FLG: variants seen among roughly 807,000 people sequenced by gnomAD.
The protein encoded by FLG is epidermal filaggrin.
A neutral mutation model predicts 3.8 loss-of-function variants in FLG; 6 were observed. The observed-to-expected ratio is 1.60, with a 90% CI of 0.87 to 3.15. The LOEUF is 3.15. Ranked by LOEUF, FLG falls within the 30% of genes most tolerant of loss-of-function variation. The pLI, the probability that FLG is intolerant of heterozygous loss-of-function variation, is 0.00. For synonymous variants in FLG, 2,551 were observed against 1,931.6 expected (o/e 1.32, Z -8.41); for missense variants, 7,595 against 5,050.9 (o/e 1.50, Z -15.27).
Position 152,307,784 on chromosome 1 carries a change from C to A in FLG, c.7102G>T (p.Ala2368Ser), listed in dbSNP as rs377017648. The stretch of plus-strand genomic sequence containing the variant: ...TCTGAATGTCCCTCACTGTCACTGG[C>A]CTGACTACCACTGGACCCTCGGTGT... ...SGHRGSSGSQ[A>S]SDSEGHSEDS... is the part of the protein sequence containing the mutation. The change falls in exon 3 of 3, where the codon GCC becomes TCC. Residue 2368 changes from alanine to serine, a missense_variant. Coordinates refer to ENST00000368799, the MANE Select transcript of FLG (RefSeq NM_002016.2). 6.2e-7 allele frequency: 1 copy of A among 1,613,414 alleles called. No individual in the cohort carries two copies. Among genetic ancestry groups the A allele is most frequent in the African/African-American group, 1.3e-5 (1 of 74,688 alleles).
chr1:152,304,320 G>C lies in FLG; in HGVS notation c.10566C>G (p.Gly3522=). 6.2e-7 allele frequency: 1 copy of C among 1,610,902 alleles called. No individual in the cohort carries two copies. The highest frequency in any genetic ancestry group is 8.5e-7 in the Non-Finnish European group (1 of 1,178,660). Residue 3522 remains glycine (G), a synonymous_variant, in exon 3 of 3, where the codon GGC becomes GGG. Coordinates refer to ENST00000368799, the MANE Select transcript of FLG (RefSeq NM_002016.2). ...TCCTGGGCCCCGCTGATTGTCCCTGGCCGGACTGTGAGTGTCTAGAGCTGT... is the reference window on the plus strand; with the variant it reads ...TCCTGGGCCCCGCTGATTGTCCCTGCCCGGACTGTGAGTGTCTAGAGCTGT... ...QADSSRHSQS[G]QGQSAGPRTS...
At position 152,313,955 on chromosome 1, in the gene FLG, C is replaced by G. The variant is rs753784552; in HGVS notation, c.931G>C (p.Glu311Gln). The G allele has an allele frequency of 6.2e-7, 1 of 1,614,174 alleles. No individual in the cohort carries two copies. The highest frequency in any genetic ancestry group is 8.5e-7 in the Non-Finnish European group (1 of 1,180,044). ...RDSEGHSEDSERHSGSASRNH... is the reference protein window; with the variant it reads ...RDSEGHSEDSQRHSGSASRNH... ...CTGGAAGCCGACCCAGAGTGCCTCT[C>G]AGAGTCTTCTGAGTGTCCCTCACTG... Residue 311 changes from glutamate to glutamine, a missense_variant, in exon 3 of 3, where the codon GAG becomes CAG. Transcript: ENST00000368799.
intron 1 of FLG, among the ~76,000 whole-genome samples, chr1:152,324,678 C>G (rs779355102): frequency 6.6e-6 from 1 of 151,616 alleles, no homozygotes; most frequent in Admixed American, 6.6e-5. Context: ...TTAAGCTTAT[C>G]AGCTATTATT....
rs1358483553 is a variant in FLG, at chr1:152,308,774, C to G, written c.6112G>C (p.Gly2038Arg). ...SSAVRDSGHR[G>R]YSGSQASDSE... ...TCACTGGCCTGACTACCACTGTACCCTCGGTGTCCACTGTCTCTGACTGCA... is the reference window on the plus strand; with the variant it reads ...TCACTGGCCTGACTACCACTGTACCGTCGGTGTCCACTGTCTCTGACTGCA... The change falls in exon 3 of 3, where the codon GGG becomes CGG. Residue 2038 changes from glycine to arginine, a missense_variant. By Grantham distance (125) the Gly-to-Arg change is moderately radical (BLOSUM62 -2). Transcript: ENST00000368799. 3 of 1,614,168 alleles carry G rather than the reference C, an allele frequency of 1.9e-6. No individual in the cohort carries two copies. The highest frequency in any genetic ancestry group is 1.1e-5 in the South Asian group (1 of 91,082).
At position 152,314,025 on chromosome 1, in the gene FLG, G is replaced by A. The variant is rs1020843420; in HGVS notation, c.861C>T (p.Ser287=). 3 of 1,614,004 alleles carry A rather than the reference G, an allele frequency of 1.9e-6. No homozygotes were observed. The highest frequency in any genetic ancestry group is 1.7e-5 in the Admixed American group (1 of 59,996). The change falls in exon 3 of 3, where the codon TCC becomes TCT. Residue 287 remains serine (S), a synonymous_variant. Transcript: ENST00000368799. ...ENTSQVPLQE[S]RTRKRRGSRV... ...TGGATCCCCTACGCTTTCTTGTCCT[G>A]GACTCCTGCAATGGTACCTGGCTTG... is the stretch of plus-strand genomic sequence containing the variant.
rs770098980 is a variant in FLG, at chr1:152,307,580, C to T, written c.7306G>A (p.Gly2436Arg). The T allele has an allele frequency of 7.4e-6, 12 of 1,613,746 alleles. No homozygotes were observed. Among genetic ancestry groups the T allele is most frequent in the Admixed American group, 1.7e-5 (1 of 59,970 alleles). The change falls in exon 3 of 3, where the codon GGA (glycine) becomes AGA (arginine). Residue 2436 changes from glycine (G) to arginine (R), a missense_variant. Coordinates refer to ENST00000368799, the MANE Select transcript of FLG (RefSeq NM_002016.2). ...TTGTGGTGGGATCCTTGTCTTCCTC[C>T]AGTGCTGGTCCCGGTCCGTCCATGG... ...SAHGRTGTST[G>R]GRQGSHHKQA...
chr1:152,309,368 C>A lies in FLG; in HGVS notation c.5518G>T (p.Gly1840Trp). Residue 1840 changes from glycine (G) to tryptophan (W), a missense_variant, in exon 3 of 3, where the codon GGG (glycine) becomes TGG (tryptophan). Physicochemically the swap from Gly to Trp is radical, Grantham distance 184. Transcript: ENST00000368799. The part of the protein sequence containing the change: ...EQSVDSSGHS[G>W]SHHSHTTSQE... ...GACGTGGTGTGGCTGTGATGAGACC[C>A]TGAGTGTCCAGAACTATCTACCGAT... 6.2e-7 allele frequency: 1 copy of A among 1,613,888 alleles called. No homozygotes were observed. Among genetic ancestry groups the A allele is most frequent in the East Asian group, 2.2e-5 (1 of 44,808 alleles).
Position 152,309,029 on chromosome 1 carries a change from CAT to C in FLG, c.5855_5856del (p.Asp1952GlyfsTer43). 1 of 1,614,184 alleles carries C rather than the reference CAT, an allele frequency of 6.2e-7. No homozygotes were observed. Among genetic ancestry groups the C allele is most frequent in the Non-Finnish European group, 8.5e-7 (1 of 1,180,018 alleles). Reference sequence around the variant, plus strand: ...TGATGGGACCCAGGGTGTCTGGAGCCATCTCTTGACTGCTCCCAAGCAGATCC... The same window carrying C: ...TGATGGGACCCAGGGTGTCTGGAGCCCTCTTGACTGCTCCCAAGCAGATCC... The part of the protein sequence containing the change: ...HLGSAWEQSR[D>X]GSRHPGSHHE... On this transcript the variant is annotated frameshift_variant, in exon 3 of 3. Transcript: ENST00000368799. LOFTEE classifies it low-confidence loss of function (END_TRUNC).
Position 152,309,493 on chromosome 1 carries a change from C to T in FLG, c.5393G>A (p.Arg1798Gln), listed in dbSNP as rs141235242. Reference sequence around the variant, plus strand: ...GGACGCTGAGTGCCTGGAGCTGTCTCGTGCCTGCTCGTGGCGGGATCTTTG... The same window carrying T: ...GGACGCTGAGTGCCTGGAGCTGTCTTGTGCCTGCTCGTGGCGGGATCTTTG... ...GRQRSRHEQA[R>Q]DSSRHSASQE... The change falls in exon 3 of 3, where the codon CGA becomes CAA. Residue 1798 changes from arginine to glutamine, a missense_variant. Coordinates refer to ENST00000368799, the MANE Select transcript of FLG (RefSeq NM_002016.2). The T allele has an allele frequency of 1.3e-4, 213 of 1,613,746 alleles. No individual in the cohort carries two copies. The highest frequency in any genetic ancestry group is 1.8e-4 in the East Asian group (8 of 44,824).
In FLG at chr1:152,310,855, G is replaced by A. The variant is rs915898940; in HGVS notation, c.4031C>T (p.Ser1344Leu). The change falls in exon 3 of 3, where the codon TCA becomes TTA. Residue 1344 changes from serine to leucine, a missense_variant. By Grantham distance (145) the Ser-to-Leu change is moderately radical. Coordinates refer to ENST00000368799, the MANE Select transcript of FLG (RefSeq NM_002016.2). Reference sequence around the variant, plus strand: ...ACTTGATCTTGCCTGTTCATGGGATGACACAGCCTGTCCATGAGAGGAAGA... The same window carrying A: ...ACTTGATCTTGCCTGTTCATGGGATAACACAGCCTGTCCATGAGAGGAAGA... ...TESSSHGQAV[S>L]SHEQARSSPG... 8.1e-6 allele frequency: 13 copies of A among 1,613,794 alleles called. No individual in the cohort carries two copies. The Admixed American group carries it at 1.3e-4, about 17-fold the overall frequency.
chr1:152,302,578 G>T lies in FLG; in HGVS notation c.*122C>A. On this transcript the variant is annotated 3_prime_UTR_variant, in exon 3 of 3. Transcript: ENST00000368799. ...ACCACCAAACTAATGAAATACTATA[G>T]CATATTTTAAACAGATTGACAGGAA... 8.0e-7 allele frequency: 1 copy of T among 1,250,556 alleles called. No individual in the cohort carries two copies. Among genetic ancestry groups the T allele is most frequent in the Non-Finnish European group, 1.1e-6 (1 of 908,056 alleles). 77.5% of individuals were successfully genotyped at this position (1,250,556 alleles called of 1,614,324 possible).
At position 152,311,421 on chromosome 1, in the gene FLG, G is replaced by T. The variant is rs1238072637; in HGVS notation, c.3465C>A (p.His1155Gln). 2.5e-6 allele frequency: 4 copies of T among 1,613,916 alleles called. No individual in the cohort carries two copies. The highest frequency in any genetic ancestry group is 3.3e-5 in the Admixed American group (2 of 60,006). The change falls in exon 3 of 3, where the codon CAC becomes CAA. Residue 1155 changes from histidine (H) to glutamine (Q), a missense_variant. Coordinates refer to ENST00000368799, the MANE Select transcript of FLG (RefSeq NM_002016.2). ...HHEQARDSSRHSASQEGQDTI... is the reference protein window; with the variant it reads ...HHEQARDSSRQSASQEGQDTI... The stretch of plus-strand genomic sequence containing the variant: ...TGTCCTGACCCTCTTGGGACGCTGA[G>T]TGCCTGGAGCTGTCTCGTGCCTGCT...
At position 152,309,132 on chromosome 1, in the gene FLG, A is replaced by G. The variant is rs1218425844; in HGVS notation, c.5754T>C (p.Val1918=). 3.1e-6 allele frequency: 5 copies of G among 1,613,546 alleles called. No homozygotes were observed. In the East Asian group the frequency reaches 6.7e-5, roughly 22 times the overall value. Residue 1918 remains valine (V), a synonymous_variant, in exon 3 of 3, where the codon GTT becomes GTC. Coordinates refer to ENST00000368799, the MANE Select transcript of FLG (RefSeq NM_002016.2). ...GTCCCTGACTGTCACTGTCCTGGCTAACACTGGATCCCTGGTTCCTGCTTG... is the reference window on the plus strand; with the variant it reads ...GTCCCTGACTGTCACTGTCCTGGCTGACACTGGATCCCTGGTTCCTGCTTG... The part of the protein sequence containing the change: ...PRTSRNQGSS[V]SQDSDSQGHS...
chr1:152,317,492 C>A (rs1456064256), intron 1 of FLG, among the ~76,000 whole-genome samples: 2 of 152,068 alleles, frequency 1.3e-5, no homozygotes, highest in African/African-American at 2.4e-5. Flanking sequence ...ATATCAGCAG[C>A]ATTTGATGCA....
At position 152,313,415 on chromosome 1, in the gene FLG, C is replaced by G. The variant is rs761241776; in HGVS notation, c.1471G>C (p.Gly491Arg). Residue 491 changes from glycine (G) to arginine (R), a missense_variant, in exon 3 of 3, where the codon GGA (glycine) becomes CGA (arginine). By Grantham distance (125) the Gly-to-Arg change is moderately radical. Coordinates refer to ENST00000368799, the MANE Select transcript of FLG (RefSeq NM_002016.2). Reference sequence around the variant, plus strand: ...TGCTCGTGGTGCGATCCTTGTCTTCCTCCAGTGCTGGTCCCGGTCCGTCCA... The same window carrying G: ...TGCTCGTGGTGCGATCCTTGTCTTCGTCCAGTGCTGGTCCCGGTCCGTCCA... Reference protein sequence around the residue: ...AHGRTGTSTGGRQGSHHEQAR... With the variant: ...AHGRTGTSTGRRQGSHHEQAR... 22 of 1,613,724 alleles carry G rather than the reference C, an allele frequency of 1.4e-5. No individual in the cohort carries two copies. The highest frequency in any genetic ancestry group is 7.7e-5 in the South Asian group (7 of 91,060).
In FLG at chr1:152,308,222, G is replaced by T. The variant is rs1455745558; in HGVS notation, c.6664C>A (p.His2222Asn). ...GATTGTCCCTGGCCCACCAGTGAGT[G>T]TCTAGAGCTGTCGGCCCAAGAGGAA... ...EASSWADSSR[H>N]SLVGQGQSSG... The change falls in exon 3 of 3, where the codon CAC becomes AAC. Residue 2222 changes from histidine (H) to asparagine (N), a missense_variant. Transcript: ENST00000368799. 1.2e-6 allele frequency: 2 copies of T among 1,613,932 alleles called. No homozygotes were observed. Among genetic ancestry groups the T allele is most frequent in the Non-Finnish European group, 1.7e-6 (2 of 1,179,974 alleles).
At chr1:152,315,502 C>A in intron 1 of FLG, 25 bp from the exon 2 acceptor site, 5 of 1,536,686 alleles carry the variant, frequency 3.3e-6, no homozygotes, top group Non-Finnish European at 4.5e-6. Flanking sequence ...TGAAAATGCA[C>A]TTTTTTATAC....
In FLG at chr1:152,313,616, CA is replaced by C. The variant is rs750199950; in HGVS notation, c.1269del (p.Ser423ArgfsTer23). ...GAGTTTTCTGAATGTCCCTCACTGT[CA>C]CTGGCCTGACTACCGCTAGACCCCC... is the stretch of plus-strand genomic sequence containing the variant. ...GHRGSSGSQASDSEGHSENSD... is the reference protein window; with the variant it reads ...GHRGSSGSQAXDSEGHSENSD... On this transcript the variant is annotated frameshift_variant, in exon 3 of 3. Transcript: ENST00000368799. LOFTEE classifies it low-confidence loss of function (END_TRUNC). 2 of 1,614,124 alleles carry C rather than the reference CA, an allele frequency of 1.2e-6. No individual in the cohort carries two copies. The highest frequency in any genetic ancestry group is 2.2e-5 in the South Asian group (2 of 91,060).
Position 152,314,223 on chromosome 1 carries a change from TC to T in FLG, c.662del (p.Gly221GlufsTer3). 6.2e-7 allele frequency: 1 copy of T among 1,613,914 alleles called. No homozygotes were observed. Among genetic ancestry groups the T allele is most frequent in the East Asian group, 2.2e-5 (1 of 44,874 alleles). On this transcript the variant is annotated frameshift_variant, in exon 3 of 3. Transcript: ENST00000368799. LOFTEE classifies it low-confidence loss of function (END_TRUNC). ...ATTGTATCCATTTTTGAGTCATTCT[TC>T]CTGTATTTTCATAATCATATACTCC... is the stretch of plus-strand genomic sequence containing the variant. ...EEGVYDYENTGRMTQKWIQSG... is the reference protein window; with the variant it reads ...EEGVYDYENTXRMTQKWIQSG...
Sources: gnomAD v4.1 joint callset for allele counts (sites outside exome capture counted in the v4.1 genomes callset) on GRCh38, gnomAD v4.1.1 for gene constraint, MANE v1.5 for transcripts, NCBI Gene and HGNC (gene_info 2026-07-23, HGNC 2026-07-21) for gene names.